The following SEPTIN14 variants were observed in gnomAD, a reference collection of about 807,000 sequenced individuals.
SEPTIN14 encodes the protein septin-14.
In SEPTIN14, 40 loss-of-function variants were observed where a neutral mutation model predicts 53.6. That is an observed-to-expected ratio of 0.75 (90% CI 0.58 to 0.97). SEPTIN14 has a LOEUF of 0.97. SEPTIN14 is among the 50% of genes least tolerant of loss of function. The pLI is 0.00. For synonymous variants in SEPTIN14, 138 were observed against 166.8 expected, an observed-to-expected ratio of 0.83 and a Z score of 1.33; for missense variants, 471 against 508.2, an observed-to-expected ratio of 0.93 and a Z score of 0.70.
intron 2 of SEPTIN14, among the ~76,000 whole-genome samples, chr7:55,860,741 G>A (rs1789729837): frequency 6.6e-6 from 1 of 152,142 alleles, no homozygotes; most frequent in South Asian, 2.1e-4. Context: ...CCACCCACAT[G>A]AATAGGACTA....
rs567785400 is a variant in SEPTIN14, at chr7:55,816,696, A to G, written c.817+2431T>C. ...GTGGCGCATGCCTGTAATCCCAGCT[A>G]CTGAGGAAGGAGAATTGCTTGAACC... On this transcript the variant is annotated intron_variant, in intron 7 of 9. Coordinates refer to ENST00000388975, the MANE Select transcript of SEPTIN14 (RefSeq NM_207366.3). 3.3e-5 allele frequency among the ~76,000 whole-genome samples: 5 copies of G among 152,058 alleles called. No individual in the cohort carries two copies. In the East Asian group the frequency reaches 7.7e-4, roughly 24 times the overall value.
chr7:55,807,063 G>T (rs747347836), intron 8 of SEPTIN14, 27 bp downstream of exon 8: 7 of 1,526,816 alleles, frequency 4.6e-6, no homozygotes, highest in Middle Eastern at 1.7e-4. Context: ...TTATCCATTT[G>T]GTTGTGCTAG....
chr7:55,827,489 G>A (rs1238161194), intron 6 of SEPTIN14, among the ~76,000 whole-genome samples: 1 of 152,168 alleles, frequency 6.6e-6, no homozygotes, highest in Admixed American at 6.5e-5. Flanking sequence ...AACACATCAT[G>A]TTCCTACCTA....
intron 7 of SEPTIN14, among the ~76,000 whole-genome samples, chr7:55,808,353 C>A (rs1788642382): frequency 6.6e-6 from 1 of 152,072 alleles, no homozygotes; most frequent in African/African-American, 2.4e-5. Flanking sequence ...GGGTACATAC[C>A]CAGTAGTGGT....
chr7:55,821,464 A>T (rs1788895474), intron 6 of SEPTIN14, among the ~76,000 whole-genome samples: 1 of 152,326 alleles, frequency 6.6e-6, no homozygotes, highest in Admixed American at 6.5e-5. Flanking sequence ...CATTCAAAAA[A>T]TTATATGTAA....
intron 7 of SEPTIN14, chr7:55,811,336 TAAGA>T: frequency 3.9e-6 from 2 of 507,950 alleles, no homozygotes; most frequent in South Asian, 3.0e-5. Flanking sequence ...TCGAAGTCTT[TAAGA>T]AAGGAGGCGA....
chr7:55,799,513 T>C (rs1361472160), intron 9 of SEPTIN14, among the ~76,000 whole-genome samples: 1 of 114,512 alleles, frequency 8.7e-6, no homozygotes, highest in African/African-American at 3.8e-5. Flanking sequence ...GCAAGACTCT[T>C]GTCTCAAAAA....
At chr7:55,860,718 A>G (rs1179631795) in intron 2 of SEPTIN14, among the ~76,000 whole-genome samples, 1 of 152,166 alleles carries the variant, frequency 6.6e-6, no homozygotes, top group Admixed American at 6.6e-5. Flanking sequence ...AGAGGTAATT[A>G]GGTCATATGG....
intron 9 of SEPTIN14, among the ~76,000 whole-genome samples, chr7:55,803,644 T>C (rs1788559923): frequency 6.6e-6 from 1 of 151,960 alleles, no homozygotes; most frequent in Admixed American, 6.6e-5. Flanking sequence ...TTGACAATAA[T>C]CAAGACATGT....
intron 2 of SEPTIN14, among the ~76,000 whole-genome samples, chr7:55,847,938 T>C (rs1320646448): frequency 2.6e-5 from 4 of 152,162 alleles, no homozygotes; most frequent in Non-Finnish European, 5.9e-5. Flanking sequence ...TACAACCCCC[T>C]GCACAACTAT....
chr7:55,829,499 T>C (rs1789054651), intron 6 of SEPTIN14, among the ~76,000 whole-genome samples: 1 of 151,722 alleles, frequency 6.6e-6, no homozygotes, highest in African/African-American at 2.4e-5. Context: ...AAAAGTGACA[T>C]TACAACTGAT....
intron 6 of SEPTIN14, among the ~76,000 whole-genome samples, chr7:55,824,350 AAGATATTC>A: frequency 6.6e-6 from 1 of 152,236 alleles, no homozygotes; most frequent in East Asian, 1.9e-4. Flanking sequence ...CTCAACAAAA[AAGATATTC>A]AGATAACAAA....
intron 7 of SEPTIN14, among the ~76,000 whole-genome samples, chr7:55,817,481 T>C (rs1282150695): frequency 1.3e-5 from 2 of 150,042 alleles, no homozygotes; most frequent in African/African-American, 4.9e-5. Context: ...TATATATTTT[T>C]TTTTTTTGAA....
At chr7:55,855,832 G>C (rs368790724) in intron 2 of SEPTIN14, among the ~76,000 whole-genome samples, 1 of 152,188 alleles carries the variant, frequency 6.6e-6, no homozygotes, top group South Asian at 2.1e-4. Context: ...GATTACAGGC[G>C]TGAACTACCA....
intron 6 of SEPTIN14, among the ~76,000 whole-genome samples, chr7:55,826,050 C>G (rs535890051): frequency 6.7e-6 from 1 of 150,328 alleles, no homozygotes; most frequent in Non-Finnish European, 1.5e-5. Flanking sequence ...TGCAGTGAGC[C>G]GAGATCGAGC....
rs534571273 is a variant in SEPTIN14 at position 55,797,980 on chromosome 7, C to T, written c.1120-1888G>A. 3 of 156,214 alleles carry T rather than the reference C, an allele frequency of 1.9e-5. No homozygotes were observed. The East Asian group carries it at 5.5e-4, about 29-fold the overall frequency. The allele number at this position is 156,214 out of a possible 1,614,324, so 9.7% of individuals were successfully genotyped here. ...CTTCTCCAGGCCCAAGCCACCTTGGCTGAGGAGGGGGCTGAGGAAGTGTGA... is the reference window on the plus strand; with the variant it reads ...CTTCTCCAGGCCCAAGCCACCTTGGTTGAGGAGGGGGCTGAGGAAGTGTGA... On this transcript the variant is annotated intron_variant, in intron 9 of 9. Coordinates refer to ENST00000388975, the MANE Select transcript of SEPTIN14 (RefSeq NM_207366.3).
At chr7:55,811,136 A>G in intron 7 of SEPTIN14, 1 of 483,740 alleles carries the variant, frequency 2.1e-6, no homozygotes, top group Non-Finnish European at 4.1e-6. Context: ...TATCCAGGTC[A>G]GCTGTTGCTG....
chr7:55,815,854 C>T (rs541348644), intron 7 of SEPTIN14, among the ~76,000 whole-genome samples: 18 of 152,212 alleles, frequency 1.2e-4, no homozygotes, highest in African/African-American at 4.1e-4. Flanking sequence ...TAGGTGTATA[C>T]CCAGAAGAAA....
intron 5 of SEPTIN14, among the ~76,000 whole-genome samples, chr7:55,839,857 A>C (rs995547305): frequency 2.0e-5 from 3 of 152,162 alleles, no homozygotes; most frequent in Non-Finnish European, 4.4e-5. Context: ...TTAAAAAGTG[A>C]GACTGGGTCA....
Sources: allele counts gnomAD v4.1 joint callset (sites outside exome capture counted in the v4.1 genomes callset), GRCh38; gene constraint gnomAD v4.1.1; transcripts MANE v1.5; gene names NCBI Gene and HGNC (gene_info 2026-07-23, HGNC 2026-07-21).